The following CSMD2 variants were observed in gnomAD, a reference collection of about 807,000 sequenced individuals.
CSMD2 encodes CUB and sushi domain-containing protein 2.
Under a neutral mutation model 398.5 loss-of-function variants are expected in CSMD2, and 130 were observed. That is an observed-to-expected ratio of 0.33 (90% CI 0.28 to 0.38). The LOEUF (loss-of-function observed/expected upper bound fraction) is 0.38. Ranked by LOEUF, CSMD2 falls within the 10% of genes least tolerant of loss-of-function variation. The pLI is 1.00. For missense variants in CSMD2, 3,829 were observed against 4,764.9 expected, an observed-to-expected ratio of 0.80 and a Z score of 5.78; for synonymous variants, 1,828 against 1,908.5, an observed-to-expected ratio of 0.96 and a Z score of 1.10.
chr1:33,726,852 G>A (rs1646551006), intron 15 of CSMD2, among the ~76,000 whole-genome samples, 167 bp from the exon 16 acceptor site: 1 of 152,206 alleles, frequency 6.6e-6, no homozygotes, highest in Admixed American at 6.5e-5. Context: ...TTTATGGGTA[G>A]GTCCAGTTAT....
At chr1:34,157,274 T>C (rs1244362621) in intron 1 of CSMD2, among the ~76,000 whole-genome samples, 4 of 152,264 alleles carry the variant, frequency 2.6e-5, no homozygotes, top group East Asian at 1.9e-4. Flanking sequence ...GTTCACAAAG[T>C]CCTGGTCAGG....
intron 53 of CSMD2, among the ~76,000 whole-genome samples, chr1:33,560,560 G>T (rs1658449247): frequency 6.6e-6 from 1 of 152,168 alleles, no homozygotes; most frequent in African/African-American, 2.4e-5. Flanking sequence ...TGTTCCTGCA[G>T]ATATCCCTTA....
intron 2 of CSMD2, among the ~76,000 whole-genome samples, chr1:34,074,918 G>A (rs1259628354): frequency 6.6e-6 from 1 of 152,160 alleles, no homozygotes; most frequent in African/African-American, 2.4e-5. Context: ...TTCATCCCAA[G>A]CCTCCAGATG....
At chr1:33,833,591 C>G (rs1417056252) in intron 6 of CSMD2, among the ~76,000 whole-genome samples, 1 of 147,960 alleles carries the variant, frequency 6.8e-6, no homozygotes, top group African/African-American at 2.5e-5. Context: ...AAAACTGGCA[C>G]AAGACAGGGA....
At chr1:33,871,665 G>C (rs1466628317) in intron 5 of CSMD2, among the ~76,000 whole-genome samples, 7 of 152,146 alleles carry the variant, frequency 4.6e-5, no homozygotes, top group Non-Finnish European at 1.0e-4. Flanking sequence ...TGCCCAGGCT[G>C]GAGTGTAGTA....
chr1:33,550,087 C>T (rs1657291970), intron 56 of CSMD2, 90 bp downstream of exon 56: 3 of 1,313,432 alleles, frequency 2.3e-6, no homozygotes, highest in Admixed American at 3.6e-5. Context: ...CCCTCCCATC[C>T]ATCAATCACA....
At chr1:34,132,233 T>C (rs971131631) in intron 1 of CSMD2, among the ~76,000 whole-genome samples, 7 of 152,062 alleles carry the variant, frequency 4.6e-5, no homozygotes, top group Non-Finnish European at 7.4e-5. Flanking sequence ...ATGGGAGACC[T>C]GTGGCACCTC....
rs573373292 is a variant in CSMD2 at position 33,520,003 on chromosome 1, C to T, written c.10598-53G>A. On this transcript the variant is annotated intron_variant, in intron 68 of 70. Coordinates refer to ENST00000373381, the MANE Select transcript of CSMD2 (RefSeq NM_001281956.2). The stretch of plus-strand genomic sequence containing the variant: ...AGTCACGAGACACAGTCTGAGGCTC[C>T]GTTGGCTACCCTCCCCGACTATACA... 763 of 1,602,060 alleles carry T rather than the reference C, an allele frequency of 4.8e-4. 2 individuals carry two copies. The highest frequency in any genetic ancestry group is 8.8e-4 in the South Asian group (79 of 90,082).
intron 5 of CSMD2, among the ~76,000 whole-genome samples, chr1:33,861,695 T>C (rs993105227): frequency 2.6e-5 from 4 of 152,074 alleles, no homozygotes; most frequent in Admixed American, 2.6e-4. Context: ...ATTAAAATGA[T>C]TGGTGAGGGC....
At chr1:33,994,343 T>C (rs1373641066) in intron 3 of CSMD2, among the ~76,000 whole-genome samples, 1 of 151,886 alleles carries the variant, frequency 6.6e-6, no homozygotes, top group East Asian at 2.0e-4. Flanking sequence ...TGGGAAGGCC[T>C]GTCTTCCCCC....
intron 5 of CSMD2, among the ~76,000 whole-genome samples, chr1:33,887,789 A>T (rs1312395953): frequency 2.0e-5 from 3 of 152,208 alleles, no homozygotes; most frequent in African/African-American, 7.2e-5. Flanking sequence ...AGCCAAAAAA[A>T]AAGCATCCAT....
chr1:33,646,939 C>T, intron 28 of CSMD2, 104 bp from the exon 29 acceptor site: 1 of 1,114,274 alleles, frequency 9.0e-7, no homozygotes, highest in Non-Finnish European at 1.3e-6. Context: ...GGGAGCAAGC[C>T]CACCATCCCA....
intron 8 of CSMD2, 75 bp from the exon 9 acceptor site, chr1:33,819,912 C>G (rs924472270): frequency 6.3e-6 from 10 of 1,583,298 alleles, no homozygotes; most frequent in Non-Finnish European, 6.9e-6. Flanking sequence ...CCTGGTTCCA[C>G]AAAGAAGCCG....
At chr1:33,953,990 G>A (rs1645085348) in intron 3 of CSMD2, among the ~76,000 whole-genome samples, 1 of 151,952 alleles carries the variant, frequency 6.6e-6, no homozygotes, top group Non-Finnish European at 1.5e-5. Context: ...ATGCTATCAT[G>A]GTACCTCGAG....
intron 19 of CSMD2, among the ~76,000 whole-genome samples, chr1:33,719,172 T>A (rs999473220): frequency 6.6e-6 from 1 of 152,200 alleles, no homozygotes; most frequent in African/African-American, 2.4e-5. Context: ...CCCACGTGCA[T>A]GCTCTACTCC....
intron 2 of CSMD2, among the ~76,000 whole-genome samples, chr1:34,054,114 T>G (rs924375803): frequency 6.6e-6 from 1 of 152,198 alleles, no homozygotes; most frequent in African/African-American, 2.4e-5. Context: ...GACTAAGAGA[T>G]AACATAGGTA....
At chr1:33,853,538 A>G (rs1638859688) in intron 5 of CSMD2, among the ~76,000 whole-genome samples, 1 of 152,256 alleles carries the variant, frequency 6.6e-6, no homozygotes, top group South Asian at 2.1e-4. Flanking sequence ...TTTAAATCAC[A>G]TAATTACAAT....
At chr1:33,689,368 A>G (rs1645160966) in intron 25 of CSMD2, among the ~76,000 whole-genome samples, 1 of 152,166 alleles carries the variant, frequency 6.6e-6, no homozygotes, top group African/African-American at 2.4e-5. Flanking sequence ...GACTGATGTT[A>G]TCTTTACCTT....
chr1:33,726,829 G>T, intron 15 of CSMD2, 144 bp from the exon 16 acceptor site: 2 of 897,708 alleles, frequency 2.2e-6, no homozygotes, highest in Non-Finnish European at 3.2e-6. Flanking sequence ...TGTGAGTTTT[G>T]TCTACTGGGA....
Sources: allele counts gnomAD v4.1 joint callset (sites outside exome capture counted in the v4.1 genomes callset), GRCh38; gene constraint gnomAD v4.1.1; transcripts MANE v1.5; gene names NCBI Gene and HGNC (gene_info 2026-07-23, HGNC 2026-07-21).